The following ANO3 variants were observed in gnomAD, a reference collection of about 807,000 sequenced individuals.
ANO3 encodes the protein anoctamin-3.
In ANO3, 99 loss-of-function variants were observed where a neutral mutation model predicts 144.8. The ratio of observed to expected loss-of-function variants is 0.68; its 90% confidence interval spans 0.58 to 0.81. The LOEUF is 0.81. Among genes scored for constraint, ANO3 ranks in the 30% least tolerant of loss-of-function variants. ANO3 has a pLI of 0.00. For missense variants in ANO3, 905 were observed against 1,202.2 expected, an observed-to-expected ratio of 0.75 and a Z score of 3.66; for synonymous variants, 414 against 392.6, an observed-to-expected ratio of 1.05 and a Z score of -0.64.
chr11:26,549,420 C>CGGTGGGGG, intron 12 of ANO3, among the ~76,000 whole-genome samples: 1 of 151,902 alleles, frequency 6.6e-6, no homozygotes, highest in African/African-American at 2.4e-5. Flanking sequence ...TAGGTGTTAT[C>CGGTGGGGG]ATGGTGGGTG....
chr11:26,334,319 T>G (rs1054028939), intron 1 of ANO3, among the ~76,000 whole-genome samples: 3 of 152,316 alleles, frequency 2.0e-5, no homozygotes, highest in Admixed American at 6.5e-5. Flanking sequence ...GCATGGGCAT[T>G]AGGAAAAAAA....
chr11:26,239,841 C>T (rs1425244820), intron 1 of ANO3, among the ~76,000 whole-genome samples: 2 of 152,092 alleles, frequency 1.3e-5, no homozygotes, highest in East Asian at 1.9e-4. Flanking sequence ...TTATGTTTCT[C>T]CATAATTGAA....
rs564971508 is a variant in ANO3, at chr11:26,648,946, C to T, written c.2576+1090C>T. Among the ~76,000 whole-genome samples, 3 of 152,298 alleles carry T rather than the reference C, an allele frequency of 2.0e-5. No homozygotes were observed. The South Asian group carries it at 6.2e-4, about 32-fold the overall frequency. On this transcript the variant is annotated intron_variant, in intron 24 of 26. Coordinates refer to ENST00000256737, the MANE Select transcript of ANO3 (RefSeq NM_031418.4). ...TTTCTCAGATCAATGAAATACCTTTCTGGATATAAATGTCTCAGTTGTTTC... is the reference window on the plus strand; with the variant it reads ...TTTCTCAGATCAATGAAATACCTTTTTGGATATAAATGTCTCAGTTGTTTC...
intron 1 of ANO3, among the ~76,000 whole-genome samples, chr11:26,226,129 T>A (rs17308866): frequency 0.3 from 45,913 of 151,874 alleles, 7,678 homozygotes; most frequent in Non-Finnish European, 0.37. Context: ...TTTCCCTAAA[T>A]CACTTTCCTT....
At chr11:26,454,756 CAG>C (rs1859085182) in intron 3 of ANO3, among the ~76,000 whole-genome samples, 1 of 149,078 alleles carries the variant, frequency 6.7e-6, no homozygotes, top group Non-Finnish European at 1.5e-5. Flanking sequence ...CAAAGCCAGG[CAG>C]AGACACAACA....
At chr11:26,197,489 C>T (rs1178911393) in intron 1 of ANO3, among the ~76,000 whole-genome samples, 1 of 152,120 alleles carries the variant, frequency 6.6e-6, no homozygotes, top group Non-Finnish European at 1.5e-5. Context: ...GCTGGGACTA[C>T]AGGCGCATGC....
chr11:26,594,424 C>G (rs2132906867), intron 14 of ANO3, among the ~76,000 whole-genome samples: 1 of 152,298 alleles, frequency 6.6e-6, no homozygotes, highest in East Asian at 1.9e-4. Context: ...TTATATCTCT[C>G]CATGTCAGAT....
intron 1 of ANO3, among the ~76,000 whole-genome samples, chr11:26,371,187 A>G (rs1856243868): frequency 1.3e-5 from 2 of 152,206 alleles, no homozygotes. Context: ...TAGCTGCTTC[A>G]GCTCCAGCCA....
At chr11:26,597,676 C>T (rs1299091007) in intron 14 of ANO3, among the ~76,000 whole-genome samples, 21 of 152,112 alleles carry the variant, frequency 1.4e-4, no homozygotes, top group Admixed American at 1.3e-3. Context: ...GAGGGTTGCC[C>T]CAGTACCACA....
At chr11:26,331,692 C>T (rs1430291389), upstream of ANO3, 1 of 153,094 alleles carries the variant, frequency 6.5e-6, no homozygotes, top group Admixed American at 6.5e-5. Context: ...ACATAGAACA[C>T]AGCTTACCTA....
chr11:26,293,576 T>TATATATC (rs1854016890), intron 1 of ANO3, among the ~76,000 whole-genome samples: 1 of 138,020 alleles, frequency 7.2e-6, no homozygotes, highest in Non-Finnish European at 1.6e-5. Context: ...TATATATATA[T>TATATATC]TCCTGTTGTT....
intron 4 of ANO3, among the ~76,000 whole-genome samples, chr11:26,487,976 G>A (rs751467314): frequency 1.6e-4 from 24 of 152,076 alleles, no homozygotes; most frequent in African/African-American, 5.3e-4. Context: ...GACCATCCTG[G>A]CCAACATGTT....
At chr11:26,635,616 G>A (rs4498947) in intron 20 of ANO3, among the ~76,000 whole-genome samples, 52,529 of 151,750 alleles carry the variant, frequency 0.35, 9,622 homozygotes, top group South Asian at 0.48. Flanking sequence ...CCTAGACTGT[G>A]TGAGCCTGCT....
intron 1 of ANO3, among the ~76,000 whole-genome samples, chr11:26,201,077 T>C (rs184059837): frequency 1.3e-5 from 2 of 152,236 alleles, no homozygotes; most frequent in African/African-American, 4.8e-5. Flanking sequence ...TGCAGAAATT[T>C]TACCAAAGCT....
At chr11:26,476,903 A>ATGTG (rs61676196) in intron 4 of ANO3, among the ~76,000 whole-genome samples, 1,466 of 141,446 alleles carry the variant, frequency 0.01, 9 homozygotes, top group Middle Eastern at 0.06. Context: ...GTGTGTGTGT[A>ATGTG]TGTGTGTGTG....
At chr11:26,503,760 C>T (rs918334878) in intron 4 of ANO3, among the ~76,000 whole-genome samples, 1 of 152,100 alleles carries the variant, frequency 6.6e-6, no homozygotes, top group African/African-American at 2.4e-5. Context: ...AAACAGATAG[C>T]TGTCTTTCTG....
chr11:26,240,440 T>A (rs1444058493), intron 1 of ANO3, among the ~76,000 whole-genome samples: 3 of 152,140 alleles, frequency 2.0e-5, no homozygotes, highest in Non-Finnish European at 2.9e-5. Context: ...AAACATTAAA[T>A]AAATATGGGC....
At chr11:26,263,374 AGTT>A (rs1201897900) in intron 1 of ANO3, among the ~76,000 whole-genome samples, 1 of 152,168 alleles carries the variant, frequency 6.6e-6, no homozygotes, top group Non-Finnish European at 1.5e-5. Flanking sequence ...TCTTTCCCTC[AGTT>A]CAGGTCCGTA....
At chr11:26,333,735 A>C (rs1855122772) in intron 1 of ANO3, among the ~76,000 whole-genome samples, 1 of 152,250 alleles carries the variant, frequency 6.6e-6, no homozygotes, top group African/African-American at 2.4e-5. Flanking sequence ...AGGATGTTTC[A>C]AATATATGTT....
Sources: allele counts gnomAD v4.1 joint callset (sites outside exome capture counted in the v4.1 genomes callset), GRCh38; gene constraint gnomAD v4.1.1; transcripts MANE v1.5; gene names NCBI Gene and HGNC (gene_info 2026-07-23, HGNC 2026-07-21).